The following GRIK1 variants were observed in gnomAD, a reference collection of about 807,000 sequenced individuals.
GRIK1 encodes the protein glutamate ionotropic receptor kainate type subunit 1.
Under a neutral mutation model 105.7 loss-of-function variants are expected in GRIK1, and 69 were observed. The ratio of observed to expected loss-of-function variants is 0.65; its 90% CI spans 0.54 to 0.80. The LOEUF (loss-of-function observed/expected upper bound fraction) is 0.80. Ranked by LOEUF, GRIK1 falls within the 30% of genes least tolerant of loss-of-function variation. The pLI, the probability that GRIK1 is intolerant of heterozygous loss-of-function variation, is 0.00. For missense variants in GRIK1, 1,109 were observed against 1,167.3 expected (o/e 0.95, Z 0.73); for synonymous variants, 438 against 431.3 (o/e 1.02, Z -0.19).
chr21:29,735,229 C>T (rs904890514), intron 1 of GRIK1, among the ~76,000 whole-genome samples: 4 of 152,180 alleles, frequency 2.6e-5, no homozygotes, highest in Non-Finnish European at 5.9e-5. Flanking sequence ...TCATTAAATT[C>T]ATGCATGGAT....
intron 4 of GRIK1, among the ~76,000 whole-genome samples, chr21:29,663,561 T>A (rs1227450242): frequency 6.6e-6 from 1 of 152,208 alleles, no homozygotes; most frequent in Non-Finnish European, 1.5e-5. Flanking sequence ...TGATTTTGAA[T>A]CCCTTTAGGT....
intron 1 of GRIK1, among the ~76,000 whole-genome samples, chr21:29,724,630 T>G (rs1189972528): frequency 6.6e-6 from 1 of 152,206 alleles, no homozygotes; most frequent in African/African-American, 2.4e-5. Context: ...TAAATTTTCT[T>G]TGGAGGCTGC....
In GRIK1 at chr21:29,689,868, C is replaced by T. The variant is rs367844442; in HGVS notation, c.404G>A (p.Trp135Ter). 6.2e-7 allele frequency: 1 copy of T among 1,613,904 alleles called. No homozygotes were observed. The highest frequency in any genetic ancestry group is 8.5e-7 in the Non-Finnish European group (1 of 1,179,962). The change falls in exon 3 of 18, where the codon TGG becomes TAG. Residue 135 changes from tryptophan to a stop codon, truncating the protein, a stop_gained. Coordinates refer to ENST00000327783, the MANE Select transcript of GRIK1 (RefSeq NM_001330994.2). LOFTEE classifies it high-confidence loss of function. ...ALEVPHIQTR[W>*]KHPSVDNKDL... The stretch of plus-strand genomic sequence containing the variant: ...TTTGTTGTCCACCGAGGGGTGTTTC[C>T]AGCGGGTCTGTATGTGTGGAACTTC...
intron 7 of GRIK1, among the ~76,000 whole-genome samples, chr21:29,638,692 AT>A (rs1172646046): frequency 1.3e-5 from 2 of 152,130 alleles, no homozygotes; most frequent in African/African-American, 4.8e-5. Flanking sequence ...ATACATGTAC[AT>A]TTTTTCTGTA....
chr21:29,795,027 A>ATTTTTTTTTTT (rs1569102231), intron 1 of GRIK1, among the ~76,000 whole-genome samples: 5 of 82,152 alleles, frequency 6.1e-5, no homozygotes, highest in African/African-American at 1.3e-4. Flanking sequence ...CTTTGCTCTA[A>ATTTTTTTTTTT]ATTTTTTTTT....
intron 1 of GRIK1, among the ~76,000 whole-genome samples, chr21:29,904,844 A>G (rs914780390): frequency 1.1e-4 from 16 of 152,142 alleles, no homozygotes; most frequent in African/African-American, 3.9e-4. Flanking sequence ...TTGTGTTAGG[A>G]CTGCTACCCA....
chr21:29,590,058 C>T (rs962851423), intron 10 of GRIK1, among the ~76,000 whole-genome samples: 2 of 152,122 alleles, frequency 1.3e-5, no homozygotes, highest in Non-Finnish European at 2.9e-5. Context: ...CATCTATAAC[C>T]TTGTTAATTC....
intron 3 of GRIK1, among the ~76,000 whole-genome samples, chr21:29,678,924 A>T (rs1389575690): frequency 6.6e-6 from 1 of 152,208 alleles, no homozygotes; most frequent in Non-Finnish European, 1.5e-5. Context: ...TTCTGTCAAG[A>T]TTCTTAGTTC....
intron 1 of GRIK1, among the ~76,000 whole-genome samples, chr21:29,820,483 G>A (rs1168476360): frequency 2.6e-5 from 4 of 151,996 alleles, no homozygotes; most frequent in African/African-American, 9.7e-5. Flanking sequence ...GTAAAGATAC[G>A]CTGGCAAAAA....
At chr21:29,785,427 G>C (rs2066230927) in intron 1 of GRIK1, among the ~76,000 whole-genome samples, 2 of 151,972 alleles carry the variant, frequency 1.3e-5, no homozygotes, top group Admixed American at 1.3e-4. Flanking sequence ...ACCTGATCAT[G>C]GTGGTGTGAG....
At chr21:29,899,706 G>T (rs1214481642) in intron 1 of GRIK1, among the ~76,000 whole-genome samples, 1 of 152,106 alleles carries the variant, frequency 6.6e-6, no homozygotes, top group East Asian at 1.9e-4. Context: ...CCAGAGGGAG[G>T]ATTTGGGGAC....
chr21:29,669,597 C>T (rs2063126071), intron 4 of GRIK1, among the ~76,000 whole-genome samples: 1 of 152,128 alleles, frequency 6.6e-6, no homozygotes, highest in Non-Finnish European at 1.5e-5. Context: ...GGCAGCCTAG[C>T]CAGGCTCAGA....
chr21:29,540,291 G>T (rs2089948173), intron 16 of GRIK1, among the ~76,000 whole-genome samples: 1 of 152,138 alleles, frequency 6.6e-6, no homozygotes. Flanking sequence ...TTTATTTCTT[G>T]CTGCTTGTGT....
intron 11 of GRIK1, among the ~76,000 whole-genome samples, chr21:29,587,903 A>ACTTC (rs2091164889): frequency 2.0e-5 from 3 of 150,240 alleles, no homozygotes; most frequent in African/African-American, 7.4e-5. Context: ...GGAATGAGCA[A>ACTTC]CTTGGTTGTA....
In GRIK1 at chr21:29,792,854, C is replaced by A. The variant is rs112719698; in HGVS notation, c.119-98791G>T. Among the ~76,000 whole-genome samples, 7 of 152,156 alleles carry A rather than the reference C, an allele frequency of 4.6e-5. No homozygotes were observed. The East Asian group carries it at 1.4e-3, about 29-fold the overall frequency. On this transcript the variant is annotated intron_variant, in intron 1 of 17. Transcript: ENST00000327783. ...TCTTACCAAATGTAAATGTATAGCACGAAGAGTAATTGTTTTACTGGGGAA... is the reference window on the plus strand; with the variant it reads ...TCTTACCAAATGTAAATGTATAGCAAGAAGAGTAATTGTTTTACTGGGGAA...
At chr21:29,733,615 G>A (rs1197146369) in intron 1 of GRIK1, among the ~76,000 whole-genome samples, 1 of 151,782 alleles carries the variant, frequency 6.6e-6, no homozygotes, top group Non-Finnish European at 1.5e-5. Flanking sequence ...TTCAGCACTT[G>A]ACATGGTGCA....
intron 4 of GRIK1, among the ~76,000 whole-genome samples, chr21:29,662,012 A>G (rs944674111): frequency 1.3e-5 from 2 of 152,254 alleles, no homozygotes; most frequent in Non-Finnish European, 2.9e-5. Flanking sequence ...GTTAAACTAA[A>G]GAAAAGCAAA....
chr21:29,749,256 C>CAGTGGATATTGT (rs2065120082), intron 1 of GRIK1: 1 of 152,138 alleles, frequency 6.6e-6, no homozygotes, highest in Admixed American at 6.5e-5. Context: ...TTGCATGTTA[C>CAGTGGATATTGT]AGTGGATATT....
chr21:29,677,386 A>G (rs762478783), intron 3 of GRIK1, among the ~76,000 whole-genome samples: 1 of 152,252 alleles, frequency 6.6e-6, no homozygotes, highest in Non-Finnish European at 1.5e-5. Flanking sequence ...CTTTACAGAA[A>G]GAAGGCTGTT....
Sources: gnomAD v4.1 joint callset for allele counts (sites outside exome capture counted in the v4.1 genomes callset) on GRCh38, gnomAD v4.1.1 for gene constraint, MANE v1.5 for transcripts, NCBI Gene and HGNC (gene_info 2026-07-23, HGNC 2026-07-21) for gene names.